Variants in TIAM1 observed in about 807,000 individuals in gnomAD.
TIAM1 encodes the protein rho guanine nucleotide exchange factor TIAM1.
A neutral mutation model predicts 163.5 loss-of-function variants in TIAM1; 65 were observed. The observed-to-expected ratio is 0.40, with a 90% CI of 0.33 to 0.49. TIAM1 has a LOEUF of 0.49. Among genes scored for constraint, TIAM1 ranks in the 20% least tolerant of loss-of-function variants. The probability of loss-of-function intolerance (pLI) is 0.77; values close to 1 mark genes in which losing one functional copy is unlikely to be tolerated. For synonymous variants in TIAM1, 833 were observed against 810.1 expected (o/e 1.03, Z -0.48); for missense variants, 1,789 against 2,044.7 (o/e 0.87, Z 2.41).
At chr21:31,518,439 C>T (rs964829771) in intron 1 of TIAM1, among the ~76,000 whole-genome samples, 1 of 152,102 alleles carries the variant, frequency 6.6e-6, no homozygotes, top group Admixed American at 6.6e-5. Flanking sequence ...AGGCATGCGC[C>T]ACCACGCCCA....
At chr21:31,322,994 A>G (rs2075366091) in intron 2 of TIAM1, among the ~76,000 whole-genome samples, 1 of 152,128 alleles carries the variant, frequency 6.6e-6, no homozygotes, top group Non-Finnish European at 1.5e-5. Context: ...CAGCCAAAGT[A>G]AAGAAAGATG....
At position 31,266,411 on chromosome 21, in the gene TIAM1, G is replaced by A. The variant is rs2072771536; in HGVS notation, c.562C>T (p.Leu188=). ...TTGCTTGTTAAATGTTCTTGGCTCA[G>A]ATCAGAGAGTGAGAATTCCAGGCTG... ...EDSLEFSLSD[L]SQEHLTSNEE... Residue 188 remains leucine (L), a synonymous_variant, in exon 4 of 28, where the codon CTG becomes TTG. Transcript: ENST00000541036. 1 of 1,614,104 alleles carries A rather than the reference G, an allele frequency of 6.2e-7. No individual in the cohort carries two copies. The highest frequency in any genetic ancestry group is 1.7e-5 in the Admixed American group (1 of 60,006).
intron 4 of TIAM1, among the ~76,000 whole-genome samples, chr21:31,263,241 T>C (rs1408087331): frequency 6.6e-6 from 1 of 152,200 alleles, no homozygotes; most frequent in East Asian, 1.9e-4. Flanking sequence ...GTTCTCCCAA[T>C]GGCCCTGTGG....
intron 2 of TIAM1, among the ~76,000 whole-genome samples, chr21:31,282,722 C>G (rs1341168858): frequency 1.3e-5 from 2 of 152,212 alleles, no homozygotes; most frequent in East Asian, 3.9e-4. Flanking sequence ...GATGAATGAG[C>G]CATGATAAGG....
At chr21:31,447,025 C>T (rs879528352) in intron 2 of TIAM1, among the ~76,000 whole-genome samples, 6 of 152,146 alleles carry the variant, frequency 3.9e-5, no homozygotes, top group Non-Finnish European at 8.8e-5. Context: ...ATTCTTACCC[C>T]TATGAACCAC....
chr21:31,227,160 T>C (rs2284489), intron 6 of TIAM1, among the ~76,000 whole-genome samples: 15,759 of 151,900 alleles, frequency 0.1, 1,264 homozygotes, highest in East Asian at 0.4. Flanking sequence ...TTTCACCATG[T>C]TGCCTAGGCT....
chr21:31,144,720 T>A (rs1340764750), intron 20 of TIAM1, among the ~76,000 whole-genome samples: 2 of 149,472 alleles, frequency 1.3e-5, no homozygotes, highest in East Asian at 4.0e-4. Context: ...TCCCAGCTAT[T>A]CAGGAGGCTG....
chr21:31,481,939 T>C (rs2046121033), intron 1 of TIAM1, among the ~76,000 whole-genome samples: 1 of 152,010 alleles, frequency 6.6e-6, no homozygotes, highest in African/African-American at 2.4e-5. Flanking sequence ...TGGTTTGGTC[T>C]TTCTGGAAAC....
At chr21:31,222,705 ATATTTTTTTTT>A (rs1182478479) in intron 8 of TIAM1, among the ~76,000 whole-genome samples, 1 of 35,186 alleles carries the variant, frequency 2.8e-5, no homozygotes, top group Non-Finnish European at 4.4e-5. Context: ...ATATATATAT[ATATTTTTTTTT>A]TTTTTTTTTT....
intron 2 of TIAM1, among the ~76,000 whole-genome samples, chr21:31,361,035 T>C (rs2076397780): frequency 6.6e-6 from 1 of 152,092 alleles, no homozygotes; most frequent in South Asian, 2.1e-4. Flanking sequence ...AAGAAACACA[T>C]GGACATGAGT....
At chr21:31,490,090 A>G (rs938947009) in intron 1 of TIAM1, among the ~76,000 whole-genome samples, 1 of 152,076 alleles carries the variant, frequency 6.6e-6, no homozygotes. Context: ...TTCTGTTTGG[A>G]GTCTCCTTCC....
In TIAM1 at chr21:31,119,283, C is replaced by G. The variant is rs1024303486; in HGVS notation, c.*1085G>C. The G allele has an allele frequency of 2.0e-5, 3 of 152,468 alleles. No individual in the cohort carries two copies. The highest frequency in any genetic ancestry group is 7.3e-5 in the African/African-American group (3 of 41,376). The allele number at this position is 152,468 out of a possible 1,614,324, so 9.4% of individuals were successfully genotyped here. ...TTCTGTTTAAAGGTTTGGTTATGGA[C>G]TGTCAGGGAAGGGGAAGGTAATCTA... is the stretch of plus-strand genomic sequence containing the variant. On this transcript the variant is annotated 3_prime_UTR_variant, in exon 28 of 28. Transcript: ENST00000541036.
intron 10 of TIAM1, among the ~76,000 whole-genome samples, chr21:31,210,815 G>GAAAGAAAGA: frequency 9.8e-6 from 1 of 101,668 alleles, no homozygotes; most frequent in African/African-American, 3.7e-5. Flanking sequence ...AGAAAGAAAG[G>GAAAGAAAGA]TCACCATTCA....
At chr21:31,372,808 C>G (rs912632033) in intron 2 of TIAM1, among the ~76,000 whole-genome samples, 2 of 151,980 alleles carry the variant, frequency 1.3e-5, no homozygotes, top group Admixed American at 1.3e-4. Flanking sequence ...GTAATCCCGG[C>G]ACTTTGGGAG....
chr21:31,398,960 G>A (rs2077119725), intron 2 of TIAM1, among the ~76,000 whole-genome samples: 1 of 152,318 alleles, frequency 6.6e-6, no homozygotes, highest in Middle Eastern at 3.4e-3. Context: ...CAGCTCACCT[G>A]AGGCCAGGAG....
intron 1 of TIAM1, among the ~76,000 whole-genome samples, chr21:31,489,755 C>G (rs1330457073): frequency 6.6e-6 from 1 of 152,114 alleles, no homozygotes; most frequent in Non-Finnish European, 1.5e-5. Flanking sequence ...TCATCCATCT[C>G]AGGGCAGACA....
intron 2 of TIAM1, among the ~76,000 whole-genome samples, chr21:31,394,563 G>A (rs940072991): frequency 3.9e-5 from 6 of 152,096 alleles, no homozygotes; most frequent in African/African-American, 7.2e-5. Context: ...CCAGTCTGGG[G>A]CAGGATGTTG....
chr21:31,547,775 G>A (rs1000515203), intron 1 of TIAM1, among the ~76,000 whole-genome samples: 1 of 152,132 alleles, frequency 6.6e-6, no homozygotes, highest in African/African-American at 2.4e-5. Flanking sequence ...TTCAATGCTC[G>A]ATAAACTGCT....
At chr21:31,469,675 CA>C (rs1355874767) in intron 1 of TIAM1, among the ~76,000 whole-genome samples, 23 of 151,680 alleles carry the variant, frequency 1.5e-4, no homozygotes, top group African/African-American at 5.1e-4. Context: ...AAAAAAAGTA[CA>C]AAAAAATTAG....
Sources: gnomAD v4.1 joint callset for allele counts (sites outside exome capture counted in the v4.1 genomes callset) on GRCh38, gnomAD v4.1.1 for gene constraint, MANE v1.5 for transcripts, NCBI Gene and HGNC (gene_info 2026-07-23, HGNC 2026-07-21) for gene names.